SPAG16: variants seen among roughly 807,000 people sequenced by gnomAD.
SPAG16 encodes sperm-associated antigen 16 protein.
In SPAG16, 86 loss-of-function variants were observed where a neutral mutation model predicts 80.4. That is an observed-to-expected ratio of 1.07 (90% CI 0.90 to 1.28). The LOEUF is 1.28. Ranked by LOEUF, SPAG16 falls within the 50% of genes most tolerant of loss-of-function variation. SPAG16 has a pLI of 0.00. For missense variants in SPAG16, 870 were observed against 765.3 expected (o/e 1.14, Z -1.61); for synonymous variants, 294 against 265.9 (o/e 1.11, Z -1.03).
intron 10 of SPAG16, among the ~76,000 whole-genome samples, chr2:213,792,503 C>T (rs1365384762): frequency 1.3e-5 from 2 of 150,950 alleles, no homozygotes; most frequent in East Asian, 3.9e-4. Flanking sequence ...TCTCCTCTCA[C>T]TTCTCTTAGG....
chr2:213,729,334 A>G (rs1397908637), intron 10 of SPAG16, among the ~76,000 whole-genome samples: 1 of 152,178 alleles, frequency 6.6e-6, no homozygotes, highest in Admixed American at 6.5e-5. Context: ...TTTGAGATTT[A>G]CTTCCCTCAA....
chr2:213,728,396 A>G (rs771052748), intron 10 of SPAG16, among the ~76,000 whole-genome samples: 1 of 152,166 alleles, frequency 6.6e-6, no homozygotes, highest in Non-Finnish European at 1.5e-5. Context: ...TATTTTCACC[A>G]GTAACTCACA....
chr2:213,616,014 C>A (rs1207551496), intron 10 of SPAG16, among the ~76,000 whole-genome samples: 1 of 152,166 alleles, frequency 6.6e-6, no homozygotes, highest in African/African-American at 2.4e-5. Flanking sequence ...ACCTACGTAA[C>A]AAACCTGCAT....
chr2:214,199,464 C>A (rs192700242), intron 15 of SPAG16, among the ~76,000 whole-genome samples: 56 of 152,144 alleles, frequency 3.7e-4, no homozygotes, highest in African/African-American at 7.9e-4. Flanking sequence ...GGTCTACATG[C>A]CTATTTTTAT....
At chr2:214,211,429 C>A (rs954721498) in intron 15 of SPAG16, among the ~76,000 whole-genome samples, 3 of 152,176 alleles carry the variant, frequency 2.0e-5, no homozygotes, top group African/African-American at 7.2e-5. Context: ...TCCTCAGGAT[C>A]TTTTCAGAAT....
At chr2:213,411,933 G>GA (rs144101052) in intron 9 of SPAG16, among the ~76,000 whole-genome samples, 3,645 of 151,876 alleles carry the variant, frequency 0.024, 62 homozygotes, top group African/African-American at 0.04. Flanking sequence ...AAACTATAAA[G>GA]AATACAAGGG....
At chr2:213,913,689 A>T (rs114681706) in intron 11 of SPAG16, among the ~76,000 whole-genome samples, 1 of 150,244 alleles carries the variant, frequency 6.7e-6, no homozygotes. Context: ...ATATATGCAT[A>T]CACATACATG....
chr2:214,244,928 A>T (rs919698339), intron 15 of SPAG16, among the ~76,000 whole-genome samples: 5 of 152,064 alleles, frequency 3.3e-5, no homozygotes, highest in African/African-American at 1.2e-4. Flanking sequence ...TTTATCTCTA[A>T]GCTTTCTATT....
intron 15 of SPAG16, among the ~76,000 whole-genome samples, chr2:214,376,669 T>C (rs904057742): frequency 3.3e-5 from 5 of 152,210 alleles, no homozygotes; most frequent in African/African-American, 1.2e-4. Flanking sequence ...AGGGTTCTTC[T>C]CTGTGTTCAC....
chr2:213,477,810 G>C (rs1457906788), intron 9 of SPAG16, among the ~76,000 whole-genome samples: 2 of 152,146 alleles, frequency 1.3e-5, no homozygotes, highest in African/African-American at 4.8e-5. Context: ...ACTGTGGGAA[G>C]GTATCATTGG....
intron 10 of SPAG16, among the ~76,000 whole-genome samples, chr2:213,795,497 C>T (rs759524919): frequency 3.3e-5 from 5 of 152,264 alleles, no homozygotes; most frequent in East Asian, 1.9e-4. Context: ...TCAAAAAATA[C>T]GCCAATCCTT....
chr2:213,761,576 T>A (rs931613609), intron 10 of SPAG16, among the ~76,000 whole-genome samples: 2 of 152,114 alleles, frequency 1.3e-5, no homozygotes, highest in African/African-American at 4.8e-5. Context: ...AAAAGGGACA[T>A]TCAGGCTGGG....
intron 9 of SPAG16, among the ~76,000 whole-genome samples, chr2:213,378,769 C>T (rs1202023749): frequency 6.6e-6 from 1 of 152,248 alleles, no homozygotes; most frequent in East Asian, 1.9e-4. Context: ...GGATTTTTTC[C>T]TGGTGGAGTG....
chr2:213,724,230 C>A lies in SPAG16; in HGVS notation c.1071-138255C>A. ...GTTTAAGGGTGAATAAATGGAGATG[C>A]AATGACTAGTCAGAAAGCATGATTT... On this transcript the variant is annotated intron_variant, in intron 10 of 15. Coordinates refer to ENST00000331683, the MANE Select transcript of SPAG16 (RefSeq NM_024532.5). 1.3e-5 allele frequency among the ~76,000 whole-genome samples: 2 copies of A among 152,118 alleles called. 1 individual carries two copies. The highest frequency in any genetic ancestry group is 2.9e-5 in the Non-Finnish European group (2 of 68,032).
chr2:213,461,003 C>T (rs958057133), intron 9 of SPAG16, among the ~76,000 whole-genome samples: 1 of 152,096 alleles, frequency 6.6e-6, no homozygotes, highest in Non-Finnish European at 1.5e-5. Flanking sequence ...GCCATTTCTA[C>T]CTCAGAAGAA....
At chr2:213,891,869 G>A (rs1332868837) in intron 11 of SPAG16, among the ~76,000 whole-genome samples, 1 of 152,088 alleles carries the variant, frequency 6.6e-6, no homozygotes, top group Non-Finnish European at 1.5e-5. Flanking sequence ...TTCTGCACTG[G>A]CAAAACTGAG....
chr2:213,949,318 G>T (rs1296156480), intron 12 of SPAG16, among the ~76,000 whole-genome samples: 1 of 151,524 alleles, frequency 6.6e-6, no homozygotes, highest in African/African-American at 2.4e-5. Flanking sequence ...CTACAGGTGT[G>T]CCACCACGCC....
intron 4 of SPAG16, among the ~76,000 whole-genome samples, chr2:213,315,407 A>C (rs1256583795): frequency 6.6e-6 from 1 of 151,802 alleles, no homozygotes; most frequent in Non-Finnish European, 1.5e-5. Context: ...CCTCTCACAG[A>C]CTTAAGGATA....
chr2:213,675,998 T>C (rs2064049248), intron 10 of SPAG16, among the ~76,000 whole-genome samples: 2 of 152,216 alleles, frequency 1.3e-5, no homozygotes, highest in African/African-American at 2.4e-5. Flanking sequence ...TTTCATGATA[T>C]TGATTCTTCC....
Sources: allele counts gnomAD v4.1 joint callset (sites outside exome capture counted in the v4.1 genomes callset), GRCh38; gene constraint gnomAD v4.1.1; transcripts MANE v1.5; gene names NCBI Gene and HGNC (gene_info 2026-07-23, HGNC 2026-07-21).